PARD3: variants seen among roughly 807,000 people sequenced by gnomAD.
The protein encoded by PARD3 is partitioning defective 3 homolog.
In PARD3, 75 loss-of-function variants were observed where a neutral mutation model predicts 155.4. The observed-to-expected ratio is 0.48, with a 90% CI of 0.40 to 0.58. PARD3 has a LOEUF of 0.58. Among genes scored for constraint, PARD3 ranks in the 20% least tolerant of loss-of-function variants. The pLI, the probability that PARD3 is intolerant of heterozygous loss-of-function variation, is 0.00. For synonymous variants in PARD3, 576 were observed against 610.5 expected (o/e 0.94, Z 0.83); for missense variants, 1,642 against 1,721.7 (o/e 0.95, Z 0.82).
At chr10:34,787,558 T>A (rs1232941727) in intron 1 of PARD3, among the ~76,000 whole-genome samples, 1 of 152,170 alleles carries the variant, frequency 6.6e-6, no homozygotes, top group African/African-American at 2.4e-5. Flanking sequence ...GCAGAGCATT[T>A]GAGCAGCAGC....
intron 20 of PARD3, among the ~76,000 whole-genome samples, chr10:34,295,670 T>C (rs1006402667): frequency 6.6e-6 from 1 of 152,234 alleles, no homozygotes; most frequent in African/African-American, 2.4e-5. Context: ...AGGTGGAAAC[T>C]ATCTTGTCTA....
At chr10:34,140,988 T>C (rs1466179517) in intron 22 of PARD3, among the ~76,000 whole-genome samples, 1 of 152,226 alleles carries the variant, frequency 6.6e-6, no homozygotes, top group Non-Finnish European at 1.5e-5. Flanking sequence ...TTTTCCAAAT[T>C]TGAACATTGA....
rs1460710550 is a variant in PARD3 at position 34,493,628 on chromosome 10, A to C, written c.403+23351T>G. 6.6e-5 allele frequency among the ~76,000 whole-genome samples: 10 copies of C among 152,114 alleles called. No individual in the cohort carries two copies. The East Asian group carries it at 1.9e-3, about 29-fold the overall frequency. On this transcript the variant is annotated intron_variant, in intron 3 of 24. Transcript: ENST00000374788. Reference sequence around the variant, plus strand: ...GCACCTGTAATTCCAGCTACTCGGGAGGCTGAAGCAGTAGAATCACTTGAA... The same window carrying C: ...GCACCTGTAATTCCAGCTACTCGGGCGGCTGAAGCAGTAGAATCACTTGAA...
intron 1 of PARD3, among the ~76,000 whole-genome samples, chr10:34,729,064 A>T (rs367738340): frequency 1.3e-5 from 2 of 152,318 alleles, no homozygotes; most frequent in African/African-American, 4.8e-5. Flanking sequence ...GTTAGACCAC[A>T]CAGCCGAGGT....
chr10:34,260,440 A>G (rs1322719590), intron 22 of PARD3, among the ~76,000 whole-genome samples: 1 of 152,164 alleles, frequency 6.6e-6, no homozygotes, highest in Non-Finnish European at 1.5e-5. Flanking sequence ...GCTGGCCTGG[A>G]AGGAGGAAAG....
At chr10:34,428,642 G>A (rs915020089) in intron 5 of PARD3, among the ~76,000 whole-genome samples, 6 of 152,212 alleles carry the variant, frequency 3.9e-5, no homozygotes, top group Non-Finnish European at 7.3e-5. Flanking sequence ...GACAACAGCT[G>A]TGTTTTCTCT....
intron 7 of PARD3, among the ~76,000 whole-genome samples, chr10:34,392,039 C>T (rs1340710678): frequency 6.6e-6 from 1 of 152,006 alleles, no homozygotes; most frequent in Non-Finnish European, 1.5e-5. Context: ...TGCCTGTGGT[C>T]GCAGCTACTA....
chr10:34,418,789 G>C (rs562469718), intron 5 of PARD3, among the ~76,000 whole-genome samples: 2 of 151,926 alleles, frequency 1.3e-5, no homozygotes, highest in Admixed American at 6.6e-5. Context: ...GTATTTTTTG[G>C]AGACAGGGTC....
chr10:34,803,259 A>G (rs1588834525), intron 1 of PARD3, among the ~76,000 whole-genome samples: 1 of 151,626 alleles, frequency 6.6e-6, no homozygotes, highest in East Asian at 1.9e-4. Context: ...ATAATAACAA[A>G]AAAAAAAAAA....
At chr10:34,230,693 G>T (rs1952876529) in intron 22 of PARD3, among the ~76,000 whole-genome samples, 1 of 152,072 alleles carries the variant, frequency 6.6e-6, no homozygotes, top group African/African-American at 2.4e-5. Flanking sequence ...CAAGTTTGGA[G>T]AGCAGAGAGG....
At chr10:34,405,541 C>T (rs1052619992) in intron 5 of PARD3, among the ~76,000 whole-genome samples, 1 of 152,064 alleles carries the variant, frequency 6.6e-6, no homozygotes, top group Admixed American at 6.6e-5. Context: ...TAAATAAATG[C>T]TATATACAAT....
At chr10:34,684,993 T>A (rs1194680827) in intron 2 of PARD3, among the ~76,000 whole-genome samples, 1 of 152,128 alleles carries the variant, frequency 6.6e-6, no homozygotes, top group Non-Finnish European at 1.5e-5. Flanking sequence ...TAGTCTGATT[T>A]TCTTGCAAAG....
At chr10:34,550,477 T>C (rs1486403996) in intron 2 of PARD3, among the ~76,000 whole-genome samples, 1 of 152,192 alleles carries the variant, frequency 6.6e-6, no homozygotes, top group Admixed American at 6.5e-5. Flanking sequence ...TCCCAAAAAG[T>C]GCTTGGATTA....
intron 5 of PARD3, among the ~76,000 whole-genome samples, chr10:34,423,698 C>G (rs1373446432): frequency 6.6e-6 from 1 of 152,030 alleles, no homozygotes; most frequent in Admixed American, 6.6e-5. Flanking sequence ...AATACATACA[C>G]AACTGAATTT....
At chr10:34,228,634 A>C (rs1952750273) in intron 22 of PARD3, among the ~76,000 whole-genome samples, 1 of 152,084 alleles carries the variant, frequency 6.6e-6, no homozygotes, top group South Asian at 2.1e-4. Context: ...AAACGGGTGA[A>C]TTATATGATA....
Position 34,601,051 on chromosome 10 carries a change from T to A in PARD3, c.223-83892A>T, listed in dbSNP as rs980926016. 3.1e-5 allele frequency among the ~76,000 whole-genome samples: 4 copies of A among 127,286 alleles called. No homozygotes were observed. The South Asian group carries it at 1.1e-3, about 35-fold the overall frequency. The allele number at this position is 127,286 out of a possible 152,430, so 83.5% of individuals were successfully genotyped here. A position where few individuals can be genotyped will look rare whatever the true frequency, so the allele number is the denominator to read the frequency against. On this transcript the variant is annotated intron_variant, in intron 2 of 24. Transcript: ENST00000374788. ...GTCTCAAACTCCTGAACTCAAGCAA[T>A]CCTCCTGCATCGGTCTCCCAAAGTG...
At chr10:34,707,373 G>C (rs1328533380) in intron 1 of PARD3, among the ~76,000 whole-genome samples, 1 of 152,098 alleles carries the variant, frequency 6.6e-6, no homozygotes, top group Non-Finnish European at 1.5e-5. Flanking sequence ...CTCCAAGTGG[G>C]AGTCCAGGCC....
chr10:34,339,416 A>G (rs561855590), intron 16 of PARD3, among the ~76,000 whole-genome samples: 88 of 152,326 alleles, frequency 5.8e-4, no homozygotes, highest in African/African-American at 1.9e-3. Flanking sequence ...CCAAACTTGT[A>G]AACAGAATGC....
chr10:34,800,957 A>G (rs1842791593), intron 1 of PARD3, among the ~76,000 whole-genome samples: 1 of 152,230 alleles, frequency 6.6e-6, no homozygotes, highest in South Asian at 2.1e-4. Flanking sequence ...GAAACAATGC[A>G]GGGCCAAAAC....
Sources: gnomAD v4.1 joint callset for allele counts (sites outside exome capture counted in the v4.1 genomes callset) on GRCh38, gnomAD v4.1.1 for gene constraint, MANE v1.5 for transcripts, NCBI Gene and HGNC (gene_info 2026-07-23, HGNC 2026-07-21) for gene names.